The following PROX1 variants were observed in gnomAD, a reference collection of about 807,000 sequenced individuals.
PROX1 encodes the protein prospero homeobox protein 1.
A neutral mutation model predicts 58.8 loss-of-function variants in PROX1; 7 were observed. That is an observed-to-expected ratio of 0.12 (90% CI 0.07 to 0.22). PROX1 has a LOEUF of 0.22. Ranked by LOEUF, PROX1 falls within the 10% of genes least tolerant of loss-of-function variation. PROX1 has a pLI of 1.00. For missense variants in PROX1, 675 were observed against 927.8 expected (o/e 0.73, Z 3.54); for synonymous variants, 350 against 358.3 (o/e 0.98, Z 0.26).
chr1:214,024,087 G>A (rs971972888), intron 4 of PROX1, among the ~76,000 whole-genome samples: 1 of 152,164 alleles, frequency 6.6e-6, no homozygotes, highest in Non-Finnish European at 1.5e-5. Context: ...CCTAGGTATT[G>A]ACAGCATCCT....
chr1:214,027,594 G>T (rs932760018), intron 4 of PROX1, among the ~76,000 whole-genome samples: 1 of 152,124 alleles, frequency 6.6e-6, no homozygotes, highest in Non-Finnish European at 1.5e-5. Context: ...CATTTTTAAA[G>T]TATGTTTATC....
At chr1:214,008,176 C>A (rs1452479052) in intron 3 of PROX1, among the ~76,000 whole-genome samples, 1 of 152,040 alleles carries the variant, frequency 6.6e-6, no homozygotes, top group Non-Finnish European at 1.5e-5. Context: ...CTCAGCCTCC[C>A]AAGAAGCTGG....
chr1:214,014,599 G>T (rs983996082), intron 4 of PROX1, among the ~76,000 whole-genome samples: 18 of 152,178 alleles, frequency 1.2e-4, no homozygotes, highest in Non-Finnish European at 2.6e-4. Flanking sequence ...CCAAAATAGG[G>T]CTTATTTAAT....
At chr1:213,994,791 AT>A (rs1558167612) in intron 1 of PROX1, among the ~76,000 whole-genome samples, 12 of 81,876 alleles carry the variant, frequency 1.5e-4, no homozygotes, top group African/African-American at 4.7e-4. Flanking sequence ...ATATATATAT[AT>A]ATATATATAT....
chr1:213,994,413 G>GA (rs1055330402), intron 1 of PROX1, among the ~76,000 whole-genome samples: 1 of 151,994 alleles, frequency 6.6e-6, no homozygotes. Context: ...TATACACACA[G>GA]AAAAAAGTCT....
chr1:214,006,257 C>T (rs1273989853), intron 3 of PROX1, among the ~76,000 whole-genome samples: 9 of 152,112 alleles, frequency 5.9e-5, no homozygotes, highest in Middle Eastern at 3.4e-3. Context: ...GCTCCCCGCA[C>T]GCAGCTTGTT....
At chr1:214,008,782 A>G (rs1663808812) in intron 3 of PROX1, among the ~76,000 whole-genome samples, 1 of 152,200 alleles carries the variant, frequency 6.6e-6, no homozygotes, top group African/African-American at 2.4e-5. Flanking sequence ...ACCAGGGCCG[A>G]CCTAGTTTAA....
At chr1:214,024,381 G>C (rs1183919151) in intron 4 of PROX1, among the ~76,000 whole-genome samples, 1 of 152,138 alleles carries the variant, frequency 6.6e-6, no homozygotes, top group East Asian at 1.9e-4. Context: ...AAAACCAAGG[G>C]ATGGGATTGA....
At chr1:213,986,902 T>C (rs1662837112), upstream of PROX1, among the ~76,000 whole-genome samples, 1 of 152,220 alleles carries the variant, frequency 6.6e-6, no homozygotes, top group Non-Finnish European at 1.5e-5. Context: ...TGCTGGTTAT[T>C]TTTCAAGCAA....
At chr1:214,017,819 G>A (rs777904224) in intron 4 of PROX1, among the ~76,000 whole-genome samples, 6 of 152,066 alleles carry the variant, frequency 3.9e-5, no homozygotes, top group Non-Finnish European at 7.4e-5. Context: ...CTACCCCTAA[G>A]GCCTTCATAA....
chr1:214,035,904 C>T lies in PROX1; in HGVS notation c.*70C>T, dbSNP rs1664812978. The T allele has an allele frequency of 1.4e-6, 2 of 1,384,388 alleles. No individual in the cohort carries two copies. The highest frequency in any genetic ancestry group is 2.9e-5 in the African/African-American group (2 of 68,656). 85.8% of individuals were successfully genotyped at this position (1,384,388 alleles called of 1,614,324 possible). ...CTTTGGATGTCCAAGTTATATGTGT[C>T]TAGATTTTGATTTCATATATATGTG... On this transcript the variant is annotated 3_prime_UTR_variant, in exon 5 of 5. Transcript: ENST00000366958.
At position 213,997,706 on chromosome 1, in the gene PROX1, G is replaced by A. The variant is rs1279295881; in HGVS notation, c.1171G>A (p.Ala391Thr). The A allele has an allele frequency of 4.3e-6, 7 of 1,614,000 alleles. No homozygotes were observed. The highest frequency in any genetic ancestry group is 5.9e-6 in the Non-Finnish European group (7 of 1,179,968). Residue 391 changes from alanine to threonine, a missense_variant, in exon 2 of 5, where the codon GCC becomes ACC. Coordinates refer to ENST00000366958, the MANE Select transcript of PROX1 (RefSeq NM_001270616.2). This position sits in a 1 kb window ranked among gnomAD's most constrained non-coding sequence, Gnocchi z 7.1. ...QVFPPLQIPQ[A>T]RFAVNGENHN... ...CTTCCCACCTCTCCAGATCCCCCAG[G>A]CCAGATTTGCAGTCAATGGGGAAAA...
In PROX1 at chr1:214,005,287, TA is replaced by T. The variant is rs1369281361; in HGVS notation, c.1833+16del. The T allele has an allele frequency of 6.3e-7, 1 of 1,576,976 alleles. No individual in the cohort carries two copies. On this transcript the variant is annotated intron_variant, in intron 3 of 4. Coordinates refer to ENST00000366958, the MANE Select transcript of PROX1 (RefSeq NM_001270616.2). Reference sequence around the variant, plus strand: ...CCGACGTAAAGGTAGGGACTTTTTTTATTCTTAATTTTTTCATTTTCTATGC... The same window carrying T: ...CCGACGTAAAGGTAGGGACTTTTTTTTTCTTAATTTTTTCATTTTCTATGC...
rs1480873089 is a variant in PROX1, at chr1:214,005,207, C to T, written c.1768C>T (p.Leu590Phe). ...ACCCAATCACTTGAAAAAAGCAAAG[C>T]TCATGTTTTTTTATACCCGTTATCC... The part of the protein sequence containing the change: ...LSPNHLKKAK[L>F]MFFYTRYPSS... Residue 590 changes from leucine to phenylalanine, a missense_variant, in exon 3 of 5, where the codon CTC (leucine) becomes TTC (phenylalanine). Around this residue, in one of 8 missense-constraint regions of PROX1, gnomAD observed 39 missense variants for 73.4 expected, o/e 0.53. Coordinates refer to ENST00000366958, the MANE Select transcript of PROX1 (RefSeq NM_001270616.2). The T allele has an allele frequency of 6.2e-7, 1 of 1,614,078 alleles. No homozygotes were observed. Among genetic ancestry groups the T allele is most frequent in the Non-Finnish European group, 8.5e-7 (1 of 1,179,956 alleles).
At chr1:214,023,237 C>T (rs757919394) in intron 4 of PROX1, among the ~76,000 whole-genome samples, 4 of 152,194 alleles carry the variant, frequency 2.6e-5, no homozygotes, top group Non-Finnish European at 5.9e-5. Context: ...GGTTTTCTCA[C>T]ACATTCCATG....
intron 4 of PROX1, among the ~76,000 whole-genome samples, chr1:214,017,783 A>C (rs1309490886): frequency 6.6e-6 from 1 of 152,150 alleles, no homozygotes; most frequent in Non-Finnish European, 1.5e-5. Flanking sequence ...GTGCTGGGAC[A>C]GTGGTGGGTT....
intron 4 of PROX1, among the ~76,000 whole-genome samples, chr1:214,026,086 T>C (rs1487893974): frequency 6.6e-6 from 1 of 151,764 alleles, no homozygotes; most frequent in Non-Finnish European, 1.5e-5. Flanking sequence ...GTGTAGTATC[T>C]CAGGGGGAGA....
In PROX1 at chr1:214,007,069, T is replaced by TGTGTGTG. The variant is rs563333104; in HGVS notation, c.1833+1808_1833+1814dup. 7.2e-5 allele frequency among the ~76,000 whole-genome samples: 11 copies of TGTGTGTG among 152,298 alleles called. No individual in the cohort carries two copies. In the East Asian group the frequency reaches 1.7e-3, roughly 24 times the overall value. On this transcript the variant is annotated intron_variant, in intron 3 of 4. Coordinates refer to ENST00000366958, the MANE Select transcript of PROX1 (RefSeq NM_001270616.2). ...TTGTGAGAGTTCAAGCATGCGTGCA[T>TGTGTGTG]GTGTGTGGTGTGTGGTGGCAAGTGG...
chr1:214,010,586 G>C (rs1258446829), intron 3 of PROX1, among the ~76,000 whole-genome samples: 3 of 152,128 alleles, frequency 2.0e-5, no homozygotes, highest in Non-Finnish European at 4.4e-5. Flanking sequence ...TGGATTTATT[G>C]GTTTTGACTT....
Sources: gnomAD v4.1 joint callset for allele counts (sites outside exome capture counted in the v4.1 genomes callset) on GRCh38, gnomAD v4.1.1 for gene constraint, gnomAD v4.1.1 regional missense constraint, Gnocchi (gnomAD v3.1) non-coding constraint, MANE v1.5 for transcripts, NCBI Gene and HGNC (gene_info 2026-07-23, HGNC 2026-07-21) for gene names.